The following FHIT variants were observed in gnomAD, a reference collection of about 807,000 sequenced individuals.
FHIT encodes fragile histidine triad diadenosine triphosphatase.
FHIT carries 19 observed loss-of-function variants against 17.9 expected under a neutral mutation model. The observed-to-expected ratio is 1.06, with a 90% CI of 0.74 to 1.56. FHIT has a LOEUF of 1.56. FHIT is among the 40% of genes most tolerant of loss of function. The pLI is 0.00. For synonymous variants in FHIT, 81 were observed against 69.7 expected, an observed-to-expected ratio of 1.16 and a Z score of -0.81; for missense variants, 248 against 189.2, an observed-to-expected ratio of 1.31 and a Z score of -1.82.
intron 2 of FHIT, among the ~76,000 whole-genome samples, chr3:61,160,399 T>C (rs937934108): frequency 2.0e-5 from 3 of 152,312 alleles, no homozygotes; most frequent in Admixed American, 6.5e-5. Context: ...AGATAGGACG[T>C]TGGAAATTTT....
intron 4 of FHIT, among the ~76,000 whole-genome samples, chr3:60,751,522 T>G (rs1034892796): frequency 7.9e-5 from 12 of 152,222 alleles, no homozygotes; most frequent in African/African-American, 2.9e-4. Flanking sequence ...GGAATGCCAA[T>G]GATGGCATAA....
chr3:60,880,161 C>G (rs1704892398), intron 3 of FHIT, among the ~76,000 whole-genome samples: 1 of 152,036 alleles, frequency 6.6e-6, no homozygotes, highest in Non-Finnish European at 1.5e-5. Context: ...AAGGGAATCC[C>G]CATTAGACTA....
intron 5 of FHIT, among the ~76,000 whole-genome samples, chr3:60,398,676 A>ATTATGTTAAT: frequency 6.6e-6 from 1 of 152,182 alleles, no homozygotes; most frequent in Admixed American, 6.6e-5. Context: ...TACTTAGTAA[A>ATTATGTTAAT]TTACACACTT....
chr3:60,541,000 G>T (rs2036168785), intron 4 of FHIT, among the ~76,000 whole-genome samples: 1 of 152,140 alleles, frequency 6.6e-6, no homozygotes, highest in South Asian at 2.1e-4. Flanking sequence ...CAGAAACTCT[G>T]GGACAAGGGC....
At chr3:61,166,456 T>G (rs1395929116) in intron 2 of FHIT, among the ~76,000 whole-genome samples, 2 of 152,248 alleles carry the variant, frequency 1.3e-5, no homozygotes, top group South Asian at 4.1e-4. Flanking sequence ...TGACATCCTT[T>G]AGAGTTCTTC....
intron 3 of FHIT, among the ~76,000 whole-genome samples, chr3:60,970,187 T>G (rs555730325): frequency 1.3e-5 from 2 of 152,344 alleles, no homozygotes; most frequent in East Asian, 3.9e-4. Flanking sequence ...AAATCCCAAC[T>G]AAGGCTGAAG....
chr3:60,569,755 A>ATATATATATATATATTTTTT, intron 4 of FHIT, among the ~76,000 whole-genome samples: 14 of 77,338 alleles, frequency 1.8e-4, no homozygotes, highest in East Asian at 1.1e-3. Context: ...ATATATATAT[A>ATATATATATATATATTTTTT]TTTTTTTTTT....
intron 5 of FHIT, among the ~76,000 whole-genome samples, chr3:60,471,467 T>C (rs768160976): frequency 1.3e-5 from 2 of 152,152 alleles, no homozygotes; most frequent in Non-Finnish European, 2.9e-5. Flanking sequence ...CTTCCTGGTG[T>C]TGCTTTCTAC....
At chr3:60,134,690 GAC>G (rs1234016239) in intron 5 of FHIT, among the ~76,000 whole-genome samples, 1 of 152,188 alleles carries the variant, frequency 6.6e-6, no homozygotes, top group East Asian at 1.9e-4. Context: ...CTCCAAGAGA[GAC>G]ACCGACAAAT....
At chr3:59,807,800 G>A (rs3112503) in intron 8 of FHIT, among the ~76,000 whole-genome samples, 1 of 152,108 alleles carries the variant, frequency 6.6e-6, no homozygotes, top group African/African-American at 2.4e-5. Flanking sequence ...CGCAAACACA[G>A]GAGAAAGAAA....
intron 2 of FHIT, among the ~76,000 whole-genome samples, chr3:61,143,053 C>T (rs11711938): frequency 0.26 from 39,886 of 151,884 alleles, 5,646 homozygotes; most frequent in East Asian, 0.44. Context: ...TTACCCTTCC[C>T]TTACCACAAT....
chr3:60,236,206 G>A (rs1184464720), intron 5 of FHIT, among the ~76,000 whole-genome samples: 6 of 150,750 alleles, frequency 4.0e-5, no homozygotes, highest in Admixed American at 6.6e-5. Context: ...GACCTTGCTG[G>A]GTTCATGCTT....
chr3:60,184,759 G>A (rs1022888817), intron 5 of FHIT, among the ~76,000 whole-genome samples: 12 of 152,150 alleles, frequency 7.9e-5, no homozygotes, highest in African/African-American at 1.7e-4. Flanking sequence ...AGAACTATCC[G>A]GAATTCTGCT....
At chr3:59,762,430 T>C (rs1283413456) in intron 8 of FHIT, among the ~76,000 whole-genome samples, 1 of 152,104 alleles carries the variant, frequency 6.6e-6, no homozygotes, top group Non-Finnish European at 1.5e-5. Context: ...ATTTTCCACA[T>C]AAAACAAGGA....
chr3:60,935,633 G>A (rs1375310791), intron 3 of FHIT, among the ~76,000 whole-genome samples: 4 of 152,212 alleles, frequency 2.6e-5, no homozygotes, highest in Non-Finnish European at 5.9e-5. Flanking sequence ...AGACAAGGGT[G>A]CATCCGTCGA....
chr3:59,831,973 T>A (rs543135421), intron 8 of FHIT, among the ~76,000 whole-genome samples: 5 of 152,226 alleles, frequency 3.3e-5, no homozygotes, highest in Non-Finnish European at 7.4e-5. Context: ...GACTCTCAAC[T>A]ACTGGTCCTA....
chr3:61,107,932 C>G (rs1413092449), intron 2 of FHIT, among the ~76,000 whole-genome samples: 2 of 152,176 alleles, frequency 1.3e-5, no homozygotes, highest in Non-Finnish European at 2.9e-5. Flanking sequence ...GTGATTGGCA[C>G]AAGGGTAGGC....
chr3:60,857,729 G>C (rs1703447231), intron 3 of FHIT, among the ~76,000 whole-genome samples: 1 of 152,078 alleles, frequency 6.6e-6, no homozygotes, highest in Admixed American at 6.6e-5. Context: ...AGGAGTTCAA[G>C]ACCAGCCTGG....
chr3:60,644,094 A>G (rs1026428179), intron 4 of FHIT, among the ~76,000 whole-genome samples: 2 of 152,188 alleles, frequency 1.3e-5, no homozygotes, highest in African/African-American at 4.8e-5. Flanking sequence ...CTAACTAGGA[A>G]ACCGTCATTT....
Sources: allele counts gnomAD v4.1 joint callset (sites outside exome capture counted in the v4.1 genomes callset), GRCh38; gene constraint gnomAD v4.1.1; transcripts MANE v1.5; gene names NCBI Gene and HGNC (gene_info 2026-07-23, HGNC 2026-07-21).